Variants in SMG6 observed in about 807,000 individuals in gnomAD.
SMG6 encodes SMG6 nonsense mediated mRNA decay factor.
Under a neutral mutation model 142.2 loss-of-function variants are expected in SMG6, and 66 were observed. The observed-to-expected ratio is 0.46, with a 90% confidence interval of 0.38 to 0.57. The LOEUF is 0.57. Ranked by LOEUF, SMG6 falls within the 20% of genes least tolerant of loss-of-function variation. The pLI is 0.00. For missense variants in SMG6, 1,793 were observed against 1,832.0 expected (o/e 0.98, Z 0.39); for synonymous variants, 779 against 702.4 (o/e 1.11, Z -1.72).
chr17:2,280,888 T>C (rs1240297824), intron 8 of SMG6, among the ~76,000 whole-genome samples: 2 of 152,160 alleles, frequency 1.3e-5, no homozygotes, highest in African/African-American at 2.4e-5. Flanking sequence ...GAGACCAGCC[T>C]GCGCAACAGG....
intron 8 of SMG6, among the ~76,000 whole-genome samples, chr17:2,280,123 G>A (rs1023879587): frequency 6.6e-6 from 1 of 152,100 alleles, no homozygotes; most frequent in African/African-American, 2.4e-5. Flanking sequence ...CCAAGGAACA[G>A]AGAAAGCAAG....
At chr17:2,108,749 C>G (rs2069224399) in intron 13 of SMG6, among the ~76,000 whole-genome samples, 1 of 152,082 alleles carries the variant, frequency 6.6e-6, no homozygotes, top group African/African-American at 2.4e-5. Flanking sequence ...TGAGAACAGC[C>G]TGGCCAATAC....
chr17:2,244,685 G>T lies in SMG6; in HGVS notation c.2696C>A (p.Ala899Asp). 1 of 1,613,838 alleles carries T rather than the reference G, an allele frequency of 6.2e-7. No homozygotes were observed. The highest frequency in any genetic ancestry group is 8.5e-7 in the Non-Finnish European group (1 of 1,179,702). Residue 899 changes from alanine to aspartate, a missense_variant, in exon 9 of 19, where the codon GCC becomes GAC. Ala to Asp is a moderately radical substitution (Grantham distance 126). Transcript: ENST00000263073. ...AATCCGGGTAAACAGCTTCCCATGGGCATGGAGAAAACTGAGGATGAACCT... is the reference window on the plus strand; with the variant it reads ...AATCCGGGTAAACAGCTTCCCATGGTCATGGAGAAAACTGAGGATGAACCT... ...NKRFILSFLHAHGKLFTRIGM... is the reference protein window; with the variant it reads ...NKRFILSFLHDHGKLFTRIGM...
chr17:2,143,767 T>C (rs778026034), intron 13 of SMG6, among the ~76,000 whole-genome samples: 1 of 152,352 alleles, frequency 6.6e-6, no homozygotes, highest in Middle Eastern at 3.4e-3. Flanking sequence ...AAAAAGGGTA[T>C]TAAAACATCT....
chr17:2,211,561 G>T (rs938572986), intron 10 of SMG6, among the ~76,000 whole-genome samples: 10 of 151,834 alleles, frequency 6.6e-5, no homozygotes. Flanking sequence ...CTACTCGGGA[G>T]GCTGAGGCAG....
chr17:2,105,781 G>C (rs1312691345), intron 13 of SMG6, among the ~76,000 whole-genome samples: 2 of 152,080 alleles, frequency 1.3e-5, no homozygotes, highest in Non-Finnish European at 2.9e-5. Flanking sequence ...ACATAATATG[G>C]GCAAAACCTC....
At chr17:2,109,810 G>A (rs966642361) in intron 13 of SMG6, among the ~76,000 whole-genome samples, 1 of 152,010 alleles carries the variant, frequency 6.6e-6, no homozygotes, top group African/African-American at 2.4e-5. Context: ...GACAACACAA[G>A]GGCAGACGCA....
chr17:2,196,096 G>A (rs1190946022), intron 10 of SMG6, among the ~76,000 whole-genome samples: 1 of 152,098 alleles, frequency 6.6e-6, no homozygotes, highest in Non-Finnish European at 1.5e-5. Flanking sequence ...GTACGGAAAC[G>A]CTATGCTAAA....
chr17:2,186,122 G>A (rs2151686631), intron 12 of SMG6, among the ~76,000 whole-genome samples: 1 of 152,174 alleles, frequency 6.6e-6, no homozygotes, highest in South Asian at 2.1e-4. Flanking sequence ...CAGCTACTCA[G>A]GAGGCCGAGG....
In SMG6 at chr17:2,085,503, T is replaced by C. The variant is rs1351767678; in HGVS notation, c.3534+222A>G. The stretch of plus-strand genomic sequence containing the variant: ...TTCCTCCCTTCTCCTCAATGCAGCA[T>C]TAAAAGAAGCATCTGGAACTCGTAG... On this transcript the variant is annotated intron_variant, in intron 14 of 18. Transcript: ENST00000263073. The surrounding 1 kb of genome is among the most constrained non-coding windows in gnomAD (Gnocchi z 4.1). Among the ~76,000 whole-genome samples the C allele has an allele frequency of 6.6e-6, 1 of 152,146 alleles. No homozygotes were observed. The highest frequency in any genetic ancestry group is 1.5e-5 in the Non-Finnish European group (1 of 68,020).
intron 13 of SMG6, among the ~76,000 whole-genome samples, chr17:2,130,930 G>C (rs1048140037): frequency 6.6e-6 from 1 of 151,910 alleles, no homozygotes; most frequent in African/African-American, 2.4e-5. Flanking sequence ...TTGAACCCAG[G>C]AGGAAGAGGT....
At chr17:2,129,078 T>C (rs1008043747) in intron 13 of SMG6, among the ~76,000 whole-genome samples, 1 of 152,146 alleles carries the variant, frequency 6.6e-6, no homozygotes, top group Non-Finnish European at 1.5e-5. Context: ...CTGGGTGGGG[T>C]GGCTCACACC....
intron 10 of SMG6, among the ~76,000 whole-genome samples, chr17:2,206,115 T>C (rs2072673303): frequency 6.6e-6 from 1 of 151,286 alleles, no homozygotes; most frequent in Non-Finnish European, 1.5e-5. Flanking sequence ...AGCCTGAAAA[T>C]ATTTTTTATA....
intron 8 of SMG6, among the ~76,000 whole-genome samples, chr17:2,249,083 T>C (rs111764259): frequency 0.01 from 1,573 of 151,534 alleles, 25 homozygotes; most frequent in Admixed American, 0.047. Flanking sequence ...TCAGTAGAGA[T>C]GGGGTTTCAC....
chr17:2,110,283 T>TG (rs1290323834), intron 13 of SMG6, among the ~76,000 whole-genome samples: 3 of 152,030 alleles, frequency 2.0e-5, no homozygotes, highest in African/African-American at 7.2e-5. Flanking sequence ...TGGCACATGG[T>TG]GAAAAAAAGC....
intron 13 of SMG6, among the ~76,000 whole-genome samples, chr17:2,098,463 A>G (rs2068917637): frequency 6.6e-6 from 1 of 152,142 alleles, no homozygotes; most frequent in African/African-American, 2.4e-5. Flanking sequence ...GCTGCATGCT[A>G]CATGCTAAGT....
chr17:2,268,269 T>C (rs890150258), intron 8 of SMG6, among the ~76,000 whole-genome samples: 1 of 152,152 alleles, frequency 6.6e-6, no homozygotes, highest in African/African-American at 2.4e-5. Context: ...AGCCTCATGA[T>C]ACAACTCTAG....
chr17:2,166,600 G>A (rs900973986), intron 13 of SMG6, among the ~76,000 whole-genome samples: 2 of 152,132 alleles, frequency 1.3e-5, no homozygotes, highest in Non-Finnish European at 2.9e-5. Context: ...TGGAACTACA[G>A]GTGTAATACC....
intron 9 of SMG6, among the ~76,000 whole-genome samples, chr17:2,239,103 G>C (rs551001601): frequency 2.6e-5 from 4 of 152,260 alleles, no homozygotes; most frequent in African/African-American, 9.6e-5. Context: ...GTAGTTTTAT[G>C]TCTTTCTCTC....
Sources: allele counts gnomAD v4.1 joint callset (sites outside exome capture counted in the v4.1 genomes callset), GRCh38; gene constraint gnomAD v4.1.1; non-coding constraint Gnocchi (gnomAD v3.1); transcripts MANE v1.5; gene names NCBI Gene and HGNC (gene_info 2026-07-23, HGNC 2026-07-21).